BRAT1: variants seen among roughly 807,000 people sequenced by gnomAD.
BRAT1 encodes BRCA1 associated ATM activator 1.
BRAT1 carries 74 observed loss-of-function variants against 70.6 expected under a neutral mutation model. The ratio of observed to expected loss-of-function variants is 1.05; its 90% CI spans 0.87 to 1.27. The LOEUF is 1.27. Ranked by LOEUF, BRAT1 falls within the 50% of genes most tolerant of loss-of-function variation. BRAT1 has a pLI of 0.00. For synonymous variants in BRAT1, 615 were observed against 517.1 expected (o/e 1.19, Z -2.57); for missense variants, 1,203 against 1,098.2 (o/e 1.10, Z -1.35).
At position 2,543,339 on chromosome 7, in the gene BRAT1, A is replaced by G; in HGVS notation, c.804-16T>C. 1 of 1,567,496 alleles carries G rather than the reference A, an allele frequency of 6.4e-7. No individual in the cohort carries two copies. The highest frequency in any genetic ancestry group is 8.6e-7 in the Non-Finnish European group (1 of 1,157,422). ...CACGGGAGAACTGCAGGGAGACCCC[A>G]GAGAGAAAAATTACTCCCCCACCCT... is the stretch of plus-strand genomic sequence containing the variant. On this transcript the variant is annotated splice_polypyrimidine_tract_variant and intron_variant, in intron 5 of 13. Transcript: ENST00000340611. The surrounding 1 kb of genome is among the most constrained non-coding windows in gnomAD (Gnocchi z 5.5).
chr7:2,554,373 C>A lies in BRAT1; in HGVS notation c.59G>T (p.Arg20Met), dbSNP rs143390199. The A allele has an allele frequency of 1.2e-6, 2 of 1,614,096 alleles. No homozygotes were observed. Among genetic ancestry groups the A allele is most frequent in the Non-Finnish European group, 1.7e-6 (2 of 1,179,974 alleles). Residue 20 changes from arginine to methionine, a missense_variant, in exon 2 of 14, where the codon AGG becomes ATG. Transcript: ENST00000340611. ...PALCAVLVDP[R>M]QPVADDTCLE... is the part of the protein sequence containing the mutation. The stretch of plus-strand genomic sequence containing the variant: ...ACAGGTGTCATCTGCCACCGGCTGC[C>A]TGGGATCTACCAGAACAGCACAGAG...
chr7:2,544,058 G>GCC, intron 4 of BRAT1, 96 bp from the exon 5 acceptor site: 1 of 1,000,544 alleles, frequency 1.0e-6, no homozygotes, highest in African/African-American at 1.8e-5. Context: ...ATAGCAGAGG[G>GCC]CCCCCCAAGA....
At position 2,537,853 on chromosome 7, in the gene BRAT1, A is replaced by T; in HGVS notation, c.*216T>A. The T allele has an allele frequency of 2.7e-6, 2 of 727,482 alleles. No homozygotes were observed. Among genetic ancestry groups the T allele is most frequent in the Non-Finnish European group, 4.0e-6 (2 of 504,766 alleles). The allele number at this position is 727,482 out of a possible 1,614,324, so 45.1% of individuals were successfully genotyped here. The stretch of plus-strand genomic sequence containing the variant: ...TTATTAAATTAACTCAAAAAGGGTT[A>T]AAGAAAGACTTCAATGCCATTTATT... On this transcript the variant is annotated 3_prime_UTR_variant, in exon 14 of 14. Transcript: ENST00000340611.
chr7:2,543,109 C>T lies in BRAT1; in HGVS notation c.923+95G>A, dbSNP rs1179654318. The T allele has an allele frequency of 1.3e-5, 19 of 1,435,778 alleles. No homozygotes were observed. Among genetic ancestry groups the T allele is most frequent in the East Asian group, 5.2e-5 (2 of 38,140 alleles). The allele number at this position is 1,435,778 out of a possible 1,614,324, so 88.9% of individuals were successfully genotyped here. On this transcript the variant is annotated intron_variant, in intron 6 of 13. Coordinates refer to ENST00000340611, the MANE Select transcript of BRAT1 (RefSeq NM_152743.4). This position sits in a 1 kb window ranked among gnomAD's most constrained non-coding sequence, Gnocchi z 5.5. ...CGGCCGCCTGACTGTCCCTGGTGTC[C>T]GGAACTCCCCTGCCATGAGGGCTGC...
In BRAT1 at chr7:2,538,687, G is replaced by GAA; in HGVS notation, c.1846_1847dup (p.Thr617SerfsTer77). 6.3e-7 allele frequency: 1 copy of GAA among 1,598,456 alleles called. No individual in the cohort carries two copies. Among genetic ancestry groups the GAA allele is most frequent in the East Asian group, 2.2e-5 (1 of 44,866 alleles). On this transcript the variant is annotated frameshift_variant, in exon 14 of 14. Transcript: ENST00000340611. LOFTEE classifies it low-confidence loss of function (END_TRUNC). The stretch of plus-strand genomic sequence containing the variant: ...CGTGGCCGTCCCGCAGCCACTCAGT[G>GAA]AAGACTTGCATGACCGCCCGCCGTG...
At chr7:2,549,528 G>C (rs1168143550) in intron 2 of BRAT1, among the ~76,000 whole-genome samples, 1 of 143,612 alleles carries the variant, frequency 7.0e-6, no homozygotes, top group Non-Finnish European at 1.5e-5. Flanking sequence ...AGATTTAAAA[G>C]AAAAAAAAAA....
At chr7:2,544,689 T>C (rs1348358035) in intron 4 of BRAT1, among the ~76,000 whole-genome samples, 1 of 152,052 alleles carries the variant, frequency 6.6e-6, no homozygotes, top group Non-Finnish European at 1.5e-5. Context: ...AAAGACTGAG[T>C]CCTCACGGCT....
In BRAT1 at chr7:2,543,541, G is replaced by A; in HGVS notation, c.803+49C>T. On this transcript the variant is annotated intron_variant, in intron 5 of 13. Coordinates refer to ENST00000340611, the MANE Select transcript of BRAT1 (RefSeq NM_152743.4). The surrounding 1 kb of genome is among the most constrained non-coding windows in gnomAD (Gnocchi z 5.5). ...GGGACATCCCTGGGCGTTATCCGAG[G>A]AAAACAGTTGCCCACCCAGGCCCCC... 2.0e-6 allele frequency: 3 copies of A among 1,498,222 alleles called. No individual in the cohort carries two copies. Among genetic ancestry groups the A allele is most frequent in the East Asian group, 2.3e-5 (1 of 42,788 alleles). The allele number at this position is 1,498,222 out of a possible 1,614,324, so 92.8% of individuals were successfully genotyped here. A position where few individuals can be genotyped will look rare whatever the true frequency, so the allele number is the denominator to read the frequency against.
At chr7:2,549,445 G>A (rs1159838930) in intron 2 of BRAT1, among the ~76,000 whole-genome samples, 7 of 151,778 alleles carry the variant, frequency 4.6e-5, no homozygotes, top group African/African-American at 1.7e-4. Context: ...CCACTGTCCT[G>A]GACAACAGCA....
At chr7:2,542,066 C>T (rs1779214407) in intron 7 of BRAT1, 54 bp downstream of exon 7, 5 of 1,432,238 alleles carry the variant, frequency 3.5e-6, no homozygotes, top group Non-Finnish European at 4.6e-6. Flanking sequence ...ATCTCCCTTC[C>T]CCCAGCCGCA....
rs1192112364 is a variant in BRAT1, at chr7:2,539,187, C to T, written c.1762G>A (p.Ala588Thr). 2 of 1,598,962 alleles carry T rather than the reference C, an allele frequency of 1.3e-6. No homozygotes were observed. The highest frequency in any genetic ancestry group is 1.7e-5 in the Admixed American group (1 of 59,322). Residue 588 changes from alanine to threonine, a missense_variant, in exon 13 of 14, where the codon GCC becomes ACC. By Grantham distance (58) the Ala-to-Thr change is moderately conservative. Transcript: ENST00000340611. ...AACCTGCCACCTCCTACCTGCCGGG[C>T]CTCTGCATGCTCAGGGCTGGTGGGG... is the stretch of plus-strand genomic sequence containing the variant. ...HAPTSPEHAEARQSLFLELLH... is the reference protein window; with the variant it reads ...HAPTSPEHAETRQSLFLELLH...
rs200954002 is a variant in BRAT1 at position 2,543,168 on chromosome 7, C to A, written c.923+36G>T. On this transcript the variant is annotated intron_variant, in intron 6 of 13. Transcript: ENST00000340611. The surrounding 1 kb of genome is among the most constrained non-coding windows in gnomAD (Gnocchi z 5.5). ...CCTCCCTGCCTGCCCCAGCTCCCAG[C>A]ACCCGCCTCGGAATGAAATGCACCC... 2 of 1,523,188 alleles carry A rather than the reference C, an allele frequency of 1.3e-6. No individual in the cohort carries two copies. Among genetic ancestry groups the A allele is most frequent in the East Asian group, 2.4e-5 (1 of 40,874 alleles). The allele number at this position is 1,523,188 out of a possible 1,614,324, so 94.4% of individuals were successfully genotyped here. A position where few individuals can be genotyped will look rare whatever the true frequency, so the allele number is the denominator to read the frequency against.
At chr7:2,541,259 G>C (rs759051985) in intron 9 of BRAT1, 39 bp downstream of exon 9, 1 of 1,530,746 alleles carries the variant, frequency 6.5e-7, no homozygotes, top group Admixed American at 2.0e-5. Flanking sequence ...TGGGGGCACA[G>C]GGATAGCCCC....
chr7:2,538,803 G>A (rs772371330), intron 13 of BRAT1, 39 bp from the exon 14 acceptor site: 4 of 1,594,860 alleles, frequency 2.5e-6, no homozygotes, highest in Non-Finnish European at 2.5e-6. Flanking sequence ...TTGGTGGGGT[G>A]GCAGGAGCGA....
Position 2,545,519 on chromosome 7 carries a change from C to CT in BRAT1, c.283-464_283-463insA, listed in dbSNP as rs1228437577. ...TTCTTTTTTTTTTTTTTGAGACAGTCCCACTCTGTTGCCTAGGCTGGAGTG... is the reference window on the plus strand; with the variant it reads ...TTCTTTTTTTTTTTTTTGAGACAGTCTCCACTCTGTTGCCTAGGCTGGAGTG... On this transcript the variant is annotated intron_variant, in intron 3 of 13. Coordinates refer to ENST00000340611, the MANE Select transcript of BRAT1 (RefSeq NM_152743.4). Among the ~76,000 whole-genome samples, 18 of 119,524 alleles carry CT rather than the reference C, an allele frequency of 1.5e-4. 1 individual carries two copies. Among genetic ancestry groups the CT allele is most frequent in the Non-Finnish European group, 2.5e-4 (16 of 63,588 alleles). The allele number at this position is 119,524 out of a possible 152,430, so 78.4% of individuals were successfully genotyped here.
At chr7:2,546,858 G>C (rs935180075) in intron 3 of BRAT1, among the ~76,000 whole-genome samples, 5 of 152,188 alleles carry the variant, frequency 3.3e-5, no homozygotes, top group Admixed American at 3.3e-4. Flanking sequence ...CGCTGGAGGT[G>C]CAGGATGTGC....
chr7:2,548,900 G>A lies in BRAT1; in HGVS notation c.128-1422C>T, dbSNP rs1159857074. ...GAACTGCTTGAACTCGGGAGGTGGAGGTTGCGGTGAGCCGAGATCGCACCA... is the reference window on the plus strand; with the variant it reads ...GAACTGCTTGAACTCGGGAGGTGGAAGTTGCGGTGAGCCGAGATCGCACCA... On this transcript the variant is annotated intron_variant, in intron 2 of 13. Transcript: ENST00000340611. 3.9e-5 allele frequency among the ~76,000 whole-genome samples: 6 copies of A among 152,248 alleles called. No individual in the cohort carries two copies. The South Asian group carries it at 1.0e-3, about 26-fold the overall frequency.
At chr7:2,554,778 G>T (rs1363681337) in intron 1 of BRAT1, among the ~76,000 whole-genome samples, 1 of 152,236 alleles carries the variant, frequency 6.6e-6, no homozygotes, top group South Asian at 2.1e-4. Flanking sequence ...CAGGCTGCAG[G>T]TGGGCCAGAG....
chr7:2,545,780 G>A (rs951642036), intron 3 of BRAT1, among the ~76,000 whole-genome samples: 2 of 152,140 alleles, frequency 1.3e-5, no homozygotes, highest in African/African-American at 2.4e-5. Flanking sequence ...ATGAGCCACC[G>A]TGCCCAGCCT....
Sources: gnomAD v4.1 joint callset for allele counts (sites outside exome capture counted in the v4.1 genomes callset) on GRCh38, gnomAD v4.1.1 for gene constraint, Gnocchi (gnomAD v3.1) non-coding constraint, MANE v1.5 for transcripts, NCBI Gene and HGNC (gene_info 2026-07-23, HGNC 2026-07-21) for gene names.